Variants in ACAD8 observed in about 807,000 individuals in gnomAD.
The protein encoded by ACAD8 is acyl-CoA dehydrogenase family member 8.
ACAD8 carries 47 observed loss-of-function variants against 53.1 expected under a neutral mutation model. The ratio of observed to expected loss-of-function variants is 0.89; its 90% CI spans 0.70 to 1.13. The LOEUF (loss-of-function observed/expected upper bound fraction) is 1.13. Among genes scored for constraint, ACAD8 ranks in the 50% most tolerant of loss-of-function variants. The pLI is 0.00. For synonymous variants in ACAD8, 198 were observed against 201.3 expected (o/e 0.98, Z 0.14); for missense variants, 494 against 535.0 (o/e 0.92, Z 0.76).
chr11:134,258,712 A>G, intron 4 of ACAD8, 88 bp downstream of exon 4: 1 of 1,005,226 alleles, frequency 9.9e-7, no homozygotes, highest in Non-Finnish European at 1.5e-6. Flanking sequence ...CAGCCTCTTG[A>G]CATGTCGAGC....
At chr11:134,256,481 T>G in intron 1 of ACAD8, 67 bp from the exon 2 acceptor site, 1 of 1,304,458 alleles carries the variant, frequency 7.7e-7, no homozygotes, top group East Asian at 2.3e-5. Flanking sequence ...GTGGTGCTTC[T>G]TGTTGGCAAC....
intron 10 of ACAD8, chr11:134,263,131 T>A (rs1338261340): frequency 9.2e-7 from 1 of 1,092,228 alleles, no homozygotes; most frequent in Admixed American, 4.8e-5. Flanking sequence ...TCACAGACAT[T>A]CTATCGAGGA....
At position 134,257,121 on chromosome 11, in the gene ACAD8, G is replaced by A. The variant is rs972868326; in HGVS notation, c.244G>A (p.Ala82Thr). ...LFPVDVMRKA[A>T]QLGFGGVYIQ... Reference sequence around the variant, plus strand: ...CCCAGTGGATGTGATGCGGAAGGCAGCCCAGCTAGGCTTCGGAGGGGTCTA... The same window carrying A: ...CCCAGTGGATGTGATGCGGAAGGCAACCCAGCTAGGCTTCGGAGGGGTCTA... Residue 82 changes from alanine (A) to threonine (T), a missense_variant, in exon 3 of 11, where the codon GCC becomes ACC. Physicochemically the swap from Ala to Thr is moderately conservative, Grantham distance 58. Transcript: ENST00000281182. 6.2e-7 allele frequency: 1 copy of A among 1,614,170 alleles called. No homozygotes were observed. Among genetic ancestry groups the A allele is most frequent in the Admixed American group, 1.7e-5 (1 of 60,028 alleles).
chr11:134,261,220 G>T lies in ACAD8; in HGVS notation c.841+41G>T. The T allele has an allele frequency of 6.2e-7, 1 of 1,614,070 alleles. No individual in the cohort carries two copies. On this transcript the variant is annotated intron_variant, in intron 7 of 10. Transcript: ENST00000281182. The surrounding 1 kb of genome is among the most constrained non-coding windows in gnomAD (Gnocchi z 4.2). Reference sequence around the variant, plus strand: ...GTGTGGCAGGGAGGTAGCGGTCCGGGACAGGCACTGCTGTTTTCCAGCTTG... The same window carrying T: ...GTGTGGCAGGGAGGTAGCGGTCCGGTACAGGCACTGCTGTTTTCCAGCTTG...
At chr11:134,257,328 G>GA in intron 3 of ACAD8, 71 bp downstream of exon 3, 2 of 1,570,496 alleles carry the variant, frequency 1.3e-6, no homozygotes, top group East Asian at 2.2e-5. Flanking sequence ...AGATTCGTAG[G>GA]AAAAAGATTG....
chr11:134,264,967 C>T lies in ACAD8; in HGVS notation c.*7C>T, dbSNP rs1176007035. On this transcript the variant is annotated 3_prime_UTR_variant, in exon 11 of 11. Coordinates refer to ENST00000281182, the MANE Select transcript of ACAD8 (RefSeq NM_014384.3). ...AAGCCTGCTTCAGGAGTAGAACCCA[C>T]ACTTGTTCTGGCCTGGTGTTCAGTG... 3.7e-6 allele frequency: 6 copies of T among 1,613,860 alleles called. No individual in the cohort carries two copies. Among genetic ancestry groups the T allele is most frequent in the African/African-American group, 1.3e-5 (1 of 74,918 alleles).
chr11:134,263,620 T>C, intron 10 of ACAD8: 3 of 985,502 alleles, frequency 3.0e-6, no homozygotes, highest in Non-Finnish European at 3.6e-6. Context: ...CAGTCGCCAG[T>C]GTTCAAACTG....
At chr11:134,258,493 T>G in intron 3 of ACAD8, 22 bp from the exon 4 acceptor site, 1 of 1,545,596 alleles carries the variant, frequency 6.5e-7, no homozygotes, top group Non-Finnish European at 8.9e-7. Context: ...TCATTGTCTT[T>G]TCTTCTTGGT....
Position 134,261,201 on chromosome 11 carries a change from C to T in ACAD8, c.841+22C>T. The T allele has an allele frequency of 6.2e-7, 1 of 1,613,898 alleles. No individual in the cohort carries two copies. The highest frequency in any genetic ancestry group is 1.3e-5 in the African/African-American group (1 of 75,048). On this transcript the variant is annotated intron_variant, in intron 7 of 10. Coordinates refer to ENST00000281182, the MANE Select transcript of ACAD8 (RefSeq NM_014384.3). The surrounding 1 kb of genome is among the most constrained non-coding windows in gnomAD (Gnocchi z 4.2). ...ATTGGTGAGATACGCAGGGGTGTGG[C>T]AGGGAGGTAGCGGTCCGGGACAGGC...
In ACAD8 at chr11:134,261,473, C is replaced by A; in HGVS notation, c.939+101C>A. On this transcript the variant is annotated intron_variant, in intron 8 of 10. Transcript: ENST00000281182. The surrounding 1 kb of genome is among the most constrained non-coding windows in gnomAD (Gnocchi z 4.2). ...GAGAGAAGCCAGGAAATTCCTCTGTCAGTCCCACCACTGTCCTAGCCAGAG... is the reference window on the plus strand; with the variant it reads ...GAGAGAAGCCAGGAAATTCCTCTGTAAGTCCCACCACTGTCCTAGCCAGAG... 1.3e-6 allele frequency: 2 copies of A among 1,510,720 alleles called. No individual in the cohort carries two copies. Among genetic ancestry groups the A allele is most frequent in the South Asian group, 1.1e-5 (1 of 87,200 alleles). The allele number at this position is 1,510,720 out of a possible 1,614,324, so 93.6% of individuals were successfully genotyped here. A position where few individuals can be genotyped will look rare whatever the true frequency, so the allele number is the denominator to read the frequency against.
chr11:134,256,038 C>G (rs1320516124), intron 1 of ACAD8, among the ~76,000 whole-genome samples: 1 of 152,112 alleles, frequency 6.6e-6, no homozygotes, highest in Non-Finnish European at 1.5e-5. Flanking sequence ...CCCAAAGTAG[C>G]TGGGATTACA....
chr11:134,254,527 C>T (rs1460365565), intron 1 of ACAD8, among the ~76,000 whole-genome samples: 4 of 152,114 alleles, frequency 2.6e-5, no homozygotes. Context: ...TGGCAGTTTT[C>T]TTTACAACAG....
At position 134,262,912 on chromosome 11, in the gene ACAD8, A is replaced by T. The variant is rs1591517477; in HGVS notation, c.1195+290A>T. ...TAATGGATGAGAAAGCATGTTGAAA[A>T]CCACAGCCGGGGCTTTTCTCTAAGG... On this transcript the variant is annotated intron_variant, in intron 10 of 10. Transcript: ENST00000281182. 7.6e-6 allele frequency: 10 copies of T among 1,322,172 alleles called. No individual in the cohort carries two copies. In the African/African-American group the frequency reaches 8.9e-5, roughly 12 times the overall value. 81.9% of individuals were successfully genotyped at this position (1,322,172 alleles called of 1,614,324 possible).
At chr11:134,263,378 G>C in intron 10 of ACAD8, 1 of 988,002 alleles carries the variant, frequency 1.0e-6, no homozygotes, top group South Asian at 4.7e-5. Context: ...CGCCTGGAGG[G>C]CATGGGAGCG....
chr11:134,261,412 GC>G lies in ACAD8; in HGVS notation c.939+41del. 6.2e-7 allele frequency: 1 copy of G among 1,606,204 alleles called. No individual in the cohort carries two copies. Among genetic ancestry groups the G allele is most frequent in the South Asian group, 1.1e-5 (1 of 90,892 alleles). On this transcript the variant is annotated intron_variant, in intron 8 of 10. Transcript: ENST00000281182. This position sits in a 1 kb window ranked among gnomAD's most constrained non-coding sequence, Gnocchi z 4.2. Reference sequence around the variant, plus strand: ...GCCTCCACATGGCTTTGCACTATTTGCAGCCCGGGACCTGCTCTAGGGCCCA... The same window carrying G: ...GCCTCCACATGGCTTTGCACTATTTGAGCCCGGGACCTGCTCTAGGGCCCA...
At chr11:134,262,834 C>T (rs1052800059) in intron 10 of ACAD8, 17 of 1,443,716 alleles carry the variant, frequency 1.2e-5, no homozygotes, top group Middle Eastern at 1.8e-4. Context: ...GGCCTCAGAT[C>T]GCTCTGCTGC....
intron 6 of ACAD8, chr11:134,259,947 TG>T: frequency 7.0e-7 from 1 of 1,434,142 alleles, no homozygotes; most frequent in South Asian, 1.3e-5. Context: ...AAAGTGACAA[TG>T]TTTGCCAGTA....
intron 6 of ACAD8, chr11:134,260,185 C>A: frequency 1.8e-6 from 2 of 1,137,260 alleles, no homozygotes; most frequent in Non-Finnish European, 2.2e-6. Context: ...GGTATTTCAG[C>A]AACCCAAGAA....
At chr11:134,259,470 T>C in intron 5 of ACAD8, 138 bp from the exon 6 acceptor site, 1 of 626,924 alleles carries the variant, frequency 1.6e-6, no homozygotes, top group East Asian at 2.7e-5. Flanking sequence ...GACCTTATTG[T>C]CAGTCTCTGT....
Sources: allele counts gnomAD v4.1 joint callset (sites outside exome capture counted in the v4.1 genomes callset), GRCh38; gene constraint gnomAD v4.1.1; non-coding constraint Gnocchi (gnomAD v3.1); transcripts MANE v1.5; gene names NCBI Gene and HGNC (gene_info 2026-07-23, HGNC 2026-07-21).